Variants in SUPT20H observed in about 807,000 individuals in gnomAD.
SUPT20H encodes the protein SPT20 homolog, SAGA complex component.
Under a neutral mutation model 122.8 loss-of-function variants are expected in SUPT20H, and 82 were observed. The ratio of observed to expected loss-of-function variants is 0.67; its 90% CI spans 0.56 to 0.80. SUPT20H has a LOEUF of 0.80. SUPT20H is among the 30% of genes least tolerant of loss of function. The pLI is 0.00. For synonymous variants in SUPT20H, 291 were observed against 313.0 expected (o/e 0.93, Z 0.74); for missense variants, 831 against 921.6 (o/e 0.90, Z 1.27).
chr13:37,014,969 G>A (rs1387648252), intron 23 of SUPT20H, among the ~76,000 whole-genome samples: 1 of 152,052 alleles, frequency 6.6e-6, no homozygotes, highest in Non-Finnish European at 1.5e-5. Flanking sequence ...TAATTAGACT[G>A]GCATCAGATT....
Position 37,021,567 on chromosome 13 carries a change from A to G in SUPT20H, c.1697T>C (p.Met566Thr), listed in dbSNP as rs144899348. ...TATGGCACCAGTGTTACAGCCCAGCATGGGGTTTGAACCACTCATCAAAGC... is the reference window on the plus strand; with the variant it reads ...TATGGCACCAGTGTTACAGCCCAGCGTGGGGTTTGAACCACTCATCAAAGC... The part of the protein sequence containing the change: ...AQALMSGSNP[M>T]LGCNTGAITP... The change falls in exon 21 of 26, where the codon ATG becomes ACG. Residue 566 changes from methionine to threonine, a missense_variant. Physicochemically the swap from Met to Thr is moderately conservative, Grantham distance 81. Transcript: ENST00000350612. 82 of 1,613,340 alleles carry G rather than the reference A, an allele frequency of 5.1e-5. No homozygotes were observed. The highest frequency in any genetic ancestry group is 6.8e-5 in the Non-Finnish European group (80 of 1,179,886).
intron 1 of SUPT20H, among the ~76,000 whole-genome samples, chr13:37,051,924 T>C (rs567437164): frequency 2.0e-5 from 3 of 152,340 alleles, no homozygotes; most frequent in South Asian, 4.1e-4. Context: ...ATTTTTCCTT[T>C]GAATTATTTT....
At chr13:37,036,327 G>GTTTTT (rs35437054) in intron 9 of SUPT20H, among the ~76,000 whole-genome samples, 2 of 126,276 alleles carry the variant, frequency 1.6e-5, no homozygotes, top group Non-Finnish European at 1.8e-5. Context: ...TTAAACTGGA[G>GTTTTT]TTTTTTTTTT....
intron 5 of SUPT20H, among the ~76,000 whole-genome samples, chr13:37,046,356 G>A (rs963040425): frequency 6.6e-6 from 1 of 152,102 alleles, no homozygotes; most frequent in Middle Eastern, 3.2e-3. Context: ...TACAGTATGT[G>A]TACCTCTTCA....
At position 37,051,487 on chromosome 13, in the gene SUPT20H, C is replaced by T. The variant is rs760592902; in HGVS notation, c.3+1G>A. The T allele has an allele frequency of 1.1e-5, 18 of 1,610,956 alleles. No homozygotes were observed. Among genetic ancestry groups the T allele is most frequent in the Non-Finnish European group, 1.4e-5 (17 of 1,177,972 alleles). ...TTTGAACATACTGAGCTGAAGCTTA[C>T]CATTATGGCATAAAATAAGGGTCCA... is the stretch of plus-strand genomic sequence containing the variant. On this transcript the variant is annotated splice_donor_variant, in intron 2 of 25. Transcript: ENST00000350612. LOFTEE classifies it high-confidence loss of function.
chr13:37,023,280 C>T (rs943047709), intron 19 of SUPT20H, among the ~76,000 whole-genome samples: 1 of 152,152 alleles, frequency 6.6e-6, no homozygotes, highest in African/African-American at 2.4e-5. Context: ...ACCACCCTAT[C>T]ACTGTGCAGT....
At chr13:37,014,630 C>T (rs2060130443) in intron 23 of SUPT20H, among the ~76,000 whole-genome samples, 1 of 152,040 alleles carries the variant, frequency 6.6e-6, no homozygotes, top group African/African-American at 2.4e-5. Context: ...TAAGAGGAAT[C>T]CATAAGAAAA....
At chr13:37,019,218 C>T in intron 22 of SUPT20H, 124 bp downstream of exon 22, 1 of 644,872 alleles carries the variant, frequency 1.6e-6, no homozygotes, top group Non-Finnish European at 2.6e-6. Context: ...GCAATAATAA[C>T]CACACCCTTA....
chr13:37,043,505 C>T (rs1447526879), intron 7 of SUPT20H, among the ~76,000 whole-genome samples: 1 of 152,140 alleles, frequency 6.6e-6, no homozygotes, highest in East Asian at 1.9e-4. Flanking sequence ...TTGATTGTAA[C>T]TATAGGGAGA....
At chr13:37,020,310 C>G (rs984805794) in intron 21 of SUPT20H, among the ~76,000 whole-genome samples, 2 of 151,892 alleles carry the variant, frequency 1.3e-5, no homozygotes, top group African/African-American at 4.8e-5. Flanking sequence ...TGGAAAAATT[C>G]TCATTTAAGA....
chr13:37,051,523 T>A lies in SUPT20H; in HGVS notation c.-33A>T. 1 of 1,610,350 alleles carries A rather than the reference T, an allele frequency of 6.2e-7. No individual in the cohort carries two copies. On this transcript the variant is annotated 5_prime_UTR_variant, in exon 2 of 26. Transcript: ENST00000350612. ...TAAAATAAGGGTCCAAAAGAAGAGA[T>A]AACTTATGTACGCTGATGAAGTGGG... is the stretch of plus-strand genomic sequence containing the variant.
intron 15 of SUPT20H, 83 bp from the exon 16 acceptor site, chr13:37,026,319 T>C: frequency 4.6e-6 from 5 of 1,078,786 alleles, no homozygotes; most frequent in Non-Finnish European, 5.0e-6. Context: ...TTTTGAATCT[T>C]CCATGTTTTA....
At chr13:37,018,759 T>G (rs941103844) in intron 22 of SUPT20H, among the ~76,000 whole-genome samples, 22 of 152,124 alleles carry the variant, frequency 1.4e-4, no homozygotes, top group African/African-American at 5.1e-4. Flanking sequence ...TGGGCTCAAG[T>G]GATCCTCCGA....
At chr13:37,042,309 C>T (rs1338414746) in intron 7 of SUPT20H, among the ~76,000 whole-genome samples, 1 of 152,038 alleles carries the variant, frequency 6.6e-6, no homozygotes, top group Non-Finnish European at 1.5e-5. Context: ...TATTATATAT[C>T]CAAGAAAATA....
intron 1 of SUPT20H, among the ~76,000 whole-genome samples, chr13:37,057,736 G>A (rs2069459293): frequency 6.6e-6 from 1 of 152,092 alleles, no homozygotes; most frequent in Non-Finnish European, 1.5e-5. Flanking sequence ...CACTTTGGGA[G>A]GCCAAGGCAG....
At chr13:37,038,473 T>C (rs2064910078) in intron 9 of SUPT20H, 2 of 152,196 alleles carry the variant, frequency 1.3e-5, no homozygotes, top group African/African-American at 2.4e-5. Context: ...TGTTTTCTAA[T>C]ATTCTTTTAA....
chr13:37,019,441 T>C (rs1456712202), intron 21 of SUPT20H, 44 bp from the exon 22 acceptor site: 1 of 1,386,372 alleles, frequency 7.2e-7, no homozygotes, highest in South Asian at 1.3e-5. Context: ...GAAAGTTTAT[T>C]ACACATGAAA....
intron 4 of SUPT20H, 87 bp downstream of exon 4, chr13:37,047,791 T>C (rs1390657792): frequency 2.2e-6 from 3 of 1,367,430 alleles, no homozygotes; most frequent in South Asian, 1.5e-5. Flanking sequence ...ATAAAATTTC[T>C]AGCTCAGTCC....
intron 7 of SUPT20H, among the ~76,000 whole-genome samples, chr13:37,043,299 A>G (rs2065827660): frequency 6.6e-6 from 1 of 152,180 alleles, no homozygotes. Context: ...GAGAGTTCTC[A>G]TGTGATGTCT....
Sources: allele counts gnomAD v4.1 joint callset (sites outside exome capture counted in the v4.1 genomes callset), GRCh38; gene constraint gnomAD v4.1.1; transcripts MANE v1.5; gene names NCBI Gene and HGNC (gene_info 2026-07-23, HGNC 2026-07-21).